Variants in BOD1L1 observed in about 807,000 individuals in gnomAD.
BOD1L1 encodes biorientation of chromosomes in cell division protein 1-like 1.
Under a neutral mutation model 240.7 loss-of-function variants are expected in BOD1L1, and 86 were observed. That is an observed-to-expected ratio of 0.36 (90% CI 0.30 to 0.43). The LOEUF (loss-of-function observed/expected upper bound fraction) is 0.43. Ranked by LOEUF, BOD1L1 falls within the 20% of genes least tolerant of loss-of-function variation. The pLI, the probability that BOD1L1 is intolerant of heterozygous loss-of-function variation, is 1.00. For synonymous variants in BOD1L1, 1,268 were observed against 1,272.3 expected, an observed-to-expected ratio of 1.00 and a Z score of 0.07; for missense variants, 3,554 against 3,643.5, an observed-to-expected ratio of 0.98 and a Z score of 0.63.
chr4:13,582,757 A>T, intron 17 of BOD1L1, 21 bp from the exon 18 acceptor site: 1 of 1,519,296 alleles, frequency 6.6e-7, no homozygotes, highest in South Asian at 1.1e-5. Context: ...GTTGAAAAAG[A>T]CTAGAACCTT....
chr4:13,572,826 G>C (rs1037744226), intron 25 of BOD1L1: 63 of 1,289,608 alleles, frequency 4.9e-5, no homozygotes, highest in Non-Finnish European at 6.2e-5. Flanking sequence ...CGTGCAGATG[G>C]CTTGCTATGT....
chr4:13,579,941 T>G lies in BOD1L1; in HGVS notation c.8736A>C (p.Lys2912Asn). ...VEQSPSSSKL[K>N]VMQTDESNKE... Reference sequence around the variant, plus strand: ...GTAGGTACATACCTGTTTGCATTACTTTCAGTTTGCTGCTAGATGGAGATT... The same window carrying G: ...GTAGGTACATACCTGTTTGCATTACGTTCAGTTTGCTGCTAGATGGAGATT... The change falls in exon 22 of 26, where the codon AAA (lysine) becomes AAC (asparagine). Residue 2912 changes from lysine to asparagine, a missense_variant. This residue lies in a region of BOD1L1 where 3,393 missense variants were observed against 3,427.1 expected (regional missense o/e 0.99). Coordinates refer to ENST00000040738, the MANE Select transcript of BOD1L1 (RefSeq NM_148894.3). 1 of 1,562,086 alleles carries G rather than the reference T, an allele frequency of 6.4e-7. No individual in the cohort carries two copies. The highest frequency in any genetic ancestry group is 2.4e-5 in the East Asian group (1 of 42,170).
chr4:13,599,215 T>C lies in BOD1L1; in HGVS notation c.7685A>G (p.Asn2562Ser). Residue 2562 changes from asparagine (N) to serine (S), a missense_variant, in exon 10 of 26, where the codon AAC (asparagine) becomes AGC (serine). Transcript: ENST00000040738. The part of the protein sequence containing the change: ...LPAEQQGSED[N>S]LKTSTTKCIT... ...ACATTTGGTGGTACTGGTTTTCAAG[T>C]TGTCTTCAGACCCCTGCTGCTCAGC... The C allele has an allele frequency of 1.2e-6, 2 of 1,613,892 alleles. No homozygotes were observed. Among genetic ancestry groups the C allele is most frequent in the Non-Finnish European group, 1.7e-6 (2 of 1,179,828 alleles).
chr4:13,609,785 T>C (rs1716013736), intron 6 of BOD1L1, among the ~76,000 whole-genome samples: 1 of 152,188 alleles, frequency 6.6e-6, no homozygotes, highest in Non-Finnish European at 1.5e-5. Flanking sequence ...GGTAGGTGTT[T>C]ATAACTTTTC....
intron 24 of BOD1L1, 108 bp from the exon 25 acceptor site, chr4:13,577,099 G>T: frequency 7.5e-7 from 1 of 1,327,018 alleles, no homozygotes; most frequent in Non-Finnish European, 1.0e-6. Context: ...TGGAGGCAGA[G>T]AAATGGTTTT....
rs564285222 is a variant in BOD1L1 at position 13,579,014 on chromosome 4, A to C, written c.8749+914T>G. Among the ~76,000 whole-genome samples, 6 of 152,354 alleles carry C rather than the reference A, an allele frequency of 3.9e-5. No individual in the cohort carries two copies. The South Asian group carries it at 1.2e-3, about 32-fold the overall frequency. On this transcript the variant is annotated intron_variant, in intron 22 of 25. Transcript: ENST00000040738. ...CAATGCACTAGTTGAAGCTGAAATTATGGGGATGTTCATCAGGCACTCAAA... is the reference window on the plus strand; with the variant it reads ...CAATGCACTAGTTGAAGCTGAAATTCTGGGGATGTTCATCAGGCACTCAAA...
chr4:13,617,597 A>G (rs1484284269), intron 2 of BOD1L1, among the ~76,000 whole-genome samples: 2 of 152,194 alleles, frequency 1.3e-5, no homozygotes, highest in African/African-American at 4.8e-5. Flanking sequence ...TGTTTAGCTA[A>G]GTTCGTTATT....
rs16888846 is a variant in BOD1L1, at chr4:13,578,810, T to A, written c.8749+1118A>T. 3.7e-3 allele frequency among the ~76,000 whole-genome samples: 570 copies of A among 152,328 alleles called. 2 individuals carry two copies. The highest frequency in any genetic ancestry group is 0.012 in the African/African-American group (519 of 41,578). On this transcript the variant is annotated intron_variant, in intron 22 of 25. Coordinates refer to ENST00000040738, the MANE Select transcript of BOD1L1 (RefSeq NM_148894.3). ...CTTGAGTAATCTGTTTAGAGTCACA[T>A]AACTAACAAGTAGAGTGACAGGTAG...
At position 13,588,844 on chromosome 4, in the gene BOD1L1, C is replaced by T. The variant is rs1191480930; in HGVS notation, c.8210-52G>A. 13 of 1,324,620 alleles carry T rather than the reference C, an allele frequency of 9.8e-6. No individual in the cohort carries two copies. The Admixed American group carries it at 1.4e-4, about 14-fold the overall frequency. The allele number at this position is 1,324,620 out of a possible 1,614,324, so 82.1% of individuals were successfully genotyped here. On this transcript the variant is annotated intron_variant, in intron 14 of 25. Coordinates refer to ENST00000040738, the MANE Select transcript of BOD1L1 (RefSeq NM_148894.3). ...AAAAATCTTAAATATTTTTATATTC[C>T]AATACTTACTTAGGTATGTGTTAGG... is the stretch of plus-strand genomic sequence containing the variant.
rs1417403817 is a variant in BOD1L1 at position 13,600,710 on chromosome 4, C to A, written c.6190G>T (p.Gly2064Cys). ...ATCAAAACTTTGCCTTGATTTTTAC[C>A]CCCTGCTAAGCTATTCTGGTTGGTA... Reference protein sequence around the residue: ...DITNQNSLAGGKNQGKVLIIS... With the variant: ...DITNQNSLAGCKNQGKVLIIS... The change falls in exon 10 of 26, where the codon GGT (glycine) becomes TGT (cysteine). Residue 2064 changes from glycine to cysteine, a missense_variant. Gly to Cys is a radical substitution (Grantham distance 159, BLOSUM62 -3). Around this residue, in one of 2 missense-constraint regions of BOD1L1, gnomAD observed 3,393 missense variants for 3,427.1 expected, o/e 0.99. Coordinates refer to ENST00000040738, the MANE Select transcript of BOD1L1 (RefSeq NM_148894.3). 3.1e-6 allele frequency: 5 copies of A among 1,613,706 alleles called. No individual in the cohort carries two copies. In the African/African-American group the frequency reaches 4.0e-5, roughly 13 times the overall value.
At chr4:13,588,454 T>C (rs1045175467) in intron 15 of BOD1L1, among the ~76,000 whole-genome samples, 4 of 152,226 alleles carry the variant, frequency 2.6e-5, no homozygotes, top group African/African-American at 4.8e-5. Flanking sequence ...TAGTGGCTTA[T>C]TAAAAATGGA....
intron 13 of BOD1L1, among the ~76,000 whole-genome samples, chr4:13,591,692 T>G (rs375965011): frequency 1.2e-4 from 18 of 152,130 alleles, no homozygotes; most frequent in African/African-American, 7.2e-5. Flanking sequence ...TAATAAACAA[T>G]AGAAAGTTCA....
chr4:13,570,006 C>A lies in BOD1L1; in HGVS notation c.*5G>T, dbSNP rs1712063251. Reference sequence around the variant, plus strand: ...TCCATAAGCCTAGGGCAGCAGTGGTCAGGATTATCGCTTCGCTTTTTTCAC... The same window carrying A: ...TCCATAAGCCTAGGGCAGCAGTGGTAAGGATTATCGCTTCGCTTTTTTCAC... On this transcript the variant is annotated 3_prime_UTR_variant, in exon 26 of 26. Coordinates refer to ENST00000040738, the MANE Select transcript of BOD1L1 (RefSeq NM_148894.3). 3 of 1,587,660 alleles carry A rather than the reference C, an allele frequency of 1.9e-6. No individual in the cohort carries two copies. The highest frequency in any genetic ancestry group is 2.3e-5 in the East Asian group (1 of 43,356).
chr4:13,614,764 C>T lies in BOD1L1; in HGVS notation c.606G>A (p.Met202Ile), dbSNP rs897363661. 2 of 1,613,722 alleles carry T rather than the reference C, an allele frequency of 1.2e-6. No homozygotes were observed. The highest frequency in any genetic ancestry group is 1.7e-6 in the Non-Finnish European group (2 of 1,179,766). ...GAGAAGTTATGGTTTCCAATATCGACATGGCATCATTGGCTACATTAGCAC... is the reference window on the plus strand; with the variant it reads ...GAGAAGTTATGGTTTCCAATATCGATATGGCATCATTGGCTACATTAGCAC... The part of the protein sequence containing the change: ...GPSANVANDA[M>I]SILETITSLN... The change falls in exon 4 of 26, where the codon ATG becomes ATA. Residue 202 changes from methionine (M) to isoleucine (I), a missense_variant. Met to Ile is a conservative substitution (Grantham distance 10, BLOSUM62 1). Transcript: ENST00000040738.
rs183369396 is a variant in BOD1L1 at position 13,609,164 on chromosome 4, G to A, written c.1603+131C>T. The A allele has an allele frequency of 5.3e-5, 27 of 511,472 alleles. No homozygotes were observed. The South Asian group carries it at 8.8e-4, about 17-fold the overall frequency. 31.7% of individuals were successfully genotyped at this position (511,472 alleles called of 1,614,324 possible). A position where few individuals can be genotyped will look rare whatever the true frequency, so the allele number is the denominator to read the frequency against. On this transcript the variant is annotated intron_variant, in intron 7 of 25. Transcript: ENST00000040738. ...ATGATGAAACACATGAGATTAAAACGTAAGGAAATCTTCCACATTTGAGAC... is the reference window on the plus strand; with the variant it reads ...ATGATGAAACACATGAGATTAAAACATAAGGAAATCTTCCACATTTGAGAC...
intron 22 of BOD1L1, among the ~76,000 whole-genome samples, chr4:13,578,756 A>G (rs982494183): frequency 1.3e-5 from 2 of 152,158 alleles, no homozygotes; most frequent in African/African-American, 4.8e-5. Flanking sequence ...AAGTATTATG[A>G]TCCCAGCCTA....
At chr4:13,571,158 C>T (rs1365188822) in intron 25 of BOD1L1, among the ~76,000 whole-genome samples, 1 of 152,166 alleles carries the variant, frequency 6.6e-6, no homozygotes, top group African/African-American at 2.4e-5. Flanking sequence ...ACACATATAT[C>T]TCCCCCATTA....
At chr4:13,573,490 TTCTTTTGAGAAAGAGCCTCTATCTATCTA>T (rs1215878237) in intron 25 of BOD1L1, among the ~76,000 whole-genome samples, 176 of 100,162 alleles carry the variant, frequency 1.8e-3, no homozygotes, top group African/African-American at 4.5e-3. Flanking sequence ...CTTTCTTTCT[TTCTTTTGAGAAAGAGCCTCTATCTATCTA>T]TCTTTCTTTC....
In BOD1L1 at chr4:13,585,836, C is replaced by T. The variant is rs563585769; in HGVS notation, c.8433+560G>A. ...TAAAGAGGAGTTCCCCTGCACATGC[C>T]CTCTTGCCTGTTGTCATGTTAAGAC... On this transcript the variant is annotated intron_variant, in intron 17 of 25. Transcript: ENST00000040738. Among the ~76,000 whole-genome samples, 3 of 152,100 alleles carry T rather than the reference C, an allele frequency of 2.0e-5. No individual in the cohort carries two copies. The South Asian group carries it at 6.2e-4, about 32-fold the overall frequency.
Sources: gnomAD v4.1 joint callset for allele counts (sites outside exome capture counted in the v4.1 genomes callset) on GRCh38, gnomAD v4.1.1 for gene constraint, gnomAD v4.1.1 regional missense constraint, MANE v1.5 for transcripts, NCBI Gene and HGNC (gene_info 2026-07-23, HGNC 2026-07-21) for gene names.